MSH3: variants seen among roughly 807,000 people sequenced by gnomAD.
MSH3 encodes the protein mutS homolog 3.
Under a neutral mutation model 123.3 loss-of-function variants are expected in MSH3, and 106 were observed. That is an observed-to-expected ratio of 0.86 (90% CI 0.73 to 1.01). The LOEUF is 1.01. MSH3 is among the 50% of genes least tolerant of loss of function. The pLI is 0.00. For synonymous variants in MSH3, 515 were observed against 481.4 expected, an observed-to-expected ratio of 1.07 and a Z score of -0.91; for missense variants, 1,459 against 1,347.6, an observed-to-expected ratio of 1.08 and a Z score of -1.29.
intron 20 of MSH3, among the ~76,000 whole-genome samples, chr5:80,852,801 G>A (rs538406870): frequency 2.0e-4 from 31 of 152,298 alleles, no homozygotes; most frequent in African/African-American, 7.5e-4. Flanking sequence ...TGGTTAAGGT[G>A]CAATTTGACC....
At chr5:80,825,829 A>G (rs886208756) in intron 20 of MSH3, among the ~76,000 whole-genome samples, 1 of 152,200 alleles carries the variant, frequency 6.6e-6, no homozygotes, top group African/African-American at 2.4e-5. Flanking sequence ...GCCATCTGGT[A>G]AATTATTTTT....
chr5:80,799,646 T>C (rs1744758782), intron 19 of MSH3, among the ~76,000 whole-genome samples: 1 of 151,940 alleles, frequency 6.6e-6, no homozygotes, highest in Non-Finnish European at 1.5e-5. Context: ...ATTATTCTAG[T>C]GTACTCAATG....
At chr5:80,723,119 A>AAATAAATAAATAAATC (rs1433472952) in intron 8 of MSH3, among the ~76,000 whole-genome samples, 1 of 151,328 alleles carries the variant, frequency 6.6e-6, no homozygotes, top group Non-Finnish European at 1.5e-5. Context: ...ATAAATAAAT[A>AAATAAATAAATAAATC]AATAAATAAA....
chr5:80,769,519 G>T (rs866629406), intron 15 of MSH3, among the ~76,000 whole-genome samples: 16 of 152,146 alleles, frequency 1.1e-4, no homozygotes, highest in Middle Eastern at 3.4e-3. Context: ...TTTCTTGGGG[G>T]TGTGTACTTC....
At chr5:80,686,469 AT>A (rs1165499175) in intron 8 of MSH3, among the ~76,000 whole-genome samples, 3 of 151,532 alleles carry the variant, frequency 2.0e-5, no homozygotes, top group East Asian at 3.9e-4. Context: ...CGCCTGGCTA[AT>A]TTTTTTTGTA....
chr5:80,799,982 G>A (rs1452569188), intron 19 of MSH3, among the ~76,000 whole-genome samples: 1 of 152,084 alleles, frequency 6.6e-6, no homozygotes, highest in African/African-American at 2.4e-5. Flanking sequence ...TTTATTTTTA[G>A]ATCTTCTCTT....
intron 8 of MSH3, among the ~76,000 whole-genome samples, chr5:80,680,234 T>G: frequency 6.6e-6 from 1 of 151,306 alleles, no homozygotes. Flanking sequence ...CACTCCAGCC[T>G]GGGCGAAAGA....
In MSH3 at chr5:80,778,768, C is replaced by G. The variant is rs965659126; in HGVS notation, c.2367C>G (p.Tyr789Ter). ...RFHSPFIVEN[Y>*]RHLNQLREQL... is the part of the protein sequence containing the mutation. Reference sequence around the variant, plus strand: ...ACTCTCCTTTTATTGTAGAAAATTACAGACATCTGAATCAGCTCCGGGAGC... The same window carrying G: ...ACTCTCCTTTTATTGTAGAAAATTAGAGACATCTGAATCAGCTCCGGGAGC... Residue 789 changes from tyrosine (Y) to a stop codon, truncating the protein, a stop_gained, in exon 17 of 24, where the codon TAC (tyrosine) becomes TAG (stop). Transcript: ENST00000265081. LOFTEE classifies it high-confidence loss of function. The G allele has an allele frequency of 1.2e-6, 2 of 1,613,264 alleles. No homozygotes were observed. The highest frequency in any genetic ancestry group is 1.7e-6 in the Non-Finnish European group (2 of 1,179,268).
intron 19 of MSH3, among the ~76,000 whole-genome samples, chr5:80,793,590 A>G (rs1580054081): frequency 6.6e-6 from 1 of 152,130 alleles, no homozygotes; most frequent in East Asian, 1.9e-4. Context: ...AGGCCAAGGT[A>G]TTGAAGGGGA....
chr5:80,842,827 A>G (rs1365569882), intron 20 of MSH3, among the ~76,000 whole-genome samples: 1 of 152,130 alleles, frequency 6.6e-6, no homozygotes, highest in Non-Finnish European at 1.5e-5. Context: ...GGTTTTCTAA[A>G]TATGCAATCA....
Position 80,761,649 on chromosome 5 carries a change from A to AG in MSH3, c.1871dup (p.Leu625ThrfsTer3). On this transcript the variant is annotated frameshift_variant, in exon 13 of 24. Coordinates refer to ENST00000265081, the MANE Select transcript of MSH3 (RefSeq NM_002439.5). LOFTEE classifies it high-confidence loss of function. ...TCTACGTAAATTGCCCGACATAGAG[A>AG]GGGGACTCTGTAGCATTTATCACAA... is the stretch of plus-strand genomic sequence containing the variant. 1.2e-6 allele frequency: 2 copies of AG among 1,614,128 alleles called. No homozygotes were observed. Among genetic ancestry groups the AG allele is most frequent in the Non-Finnish European group, 1.7e-6 (2 of 1,180,004 alleles).
chr5:80,679,797 G>A (rs540121520), intron 8 of MSH3, among the ~76,000 whole-genome samples: 74 of 152,296 alleles, frequency 4.9e-4, no homozygotes, highest in Non-Finnish European at 8.8e-4. Context: ...AGTGCTAAAC[G>A]TGAAGGTGCC....
chr5:80,821,384 AAATT>A (rs1388974764), intron 20 of MSH3, among the ~76,000 whole-genome samples: 2 of 152,226 alleles, frequency 1.3e-5, no homozygotes, highest in Non-Finnish European at 2.9e-5. Flanking sequence ...CTACTAATAT[AAATT>A]AAAGTCATTC....
At chr5:80,693,595 ATAAACAT>A in intron 8 of MSH3, among the ~76,000 whole-genome samples, 2 of 107,904 alleles carry the variant, frequency 1.9e-5, no homozygotes, top group South Asian at 2.6e-4. Context: ...ATAAATATAT[ATAAACAT>A]ACATATATAC....
At chr5:80,805,290 A>G (rs1200393727) in intron 19 of MSH3, among the ~76,000 whole-genome samples, 1 of 152,218 alleles carries the variant, frequency 6.6e-6, no homozygotes, top group Non-Finnish European at 1.5e-5. Flanking sequence ...GGGTTGGGAA[A>G]CAAACATAGT....
At chr5:80,676,176 A>G (rs535779821) in intron 7 of MSH3, among the ~76,000 whole-genome samples, 2 of 152,248 alleles carry the variant, frequency 1.3e-5, no homozygotes, top group Admixed American at 1.3e-4. Context: ...GACTACAGTC[A>G]CCCACCATCA....
chr5:80,764,748 T>C (rs1744096145), intron 13 of MSH3, among the ~76,000 whole-genome samples: 1 of 152,206 alleles, frequency 6.6e-6, no homozygotes, highest in Non-Finnish European at 1.5e-5. Flanking sequence ...ATAACTTTGC[T>C]CAAGAACTGT....
chr5:80,820,082 G>A (rs1349309065), intron 20 of MSH3, among the ~76,000 whole-genome samples: 2 of 152,168 alleles, frequency 1.3e-5, no homozygotes, highest in Non-Finnish European at 2.9e-5. Context: ...TCATCTTCCA[G>A]AAAGGAATGA....
intron 8 of MSH3, among the ~76,000 whole-genome samples, chr5:80,705,976 G>A (rs1235027935): frequency 6.6e-6 from 1 of 152,110 alleles, no homozygotes; most frequent in East Asian, 1.9e-4. Flanking sequence ...ATAACATAGG[G>A]CGAGGACATT....
Sources: gnomAD v4.1 joint callset for allele counts (sites outside exome capture counted in the v4.1 genomes callset) on GRCh38, gnomAD v4.1.1 for gene constraint, MANE v1.5 for transcripts, NCBI Gene and HGNC (gene_info 2026-07-23, HGNC 2026-07-21) for gene names.